The following ZMAT3 variants were observed in gnomAD, a reference collection of about 807,000 sequenced individuals.
The protein encoded by ZMAT3 is zinc finger matrin-type 3.
A neutral mutation model predicts 32.3 loss-of-function variants in ZMAT3; 17 were observed. That is an observed-to-expected ratio of 0.53 (90% CI 0.36 to 0.79). The LOEUF is 0.79. Among genes scored for constraint, ZMAT3 ranks in the 30% least tolerant of loss-of-function variants. ZMAT3 has a pLI of 0.00. For missense variants in ZMAT3, 329 were observed against 359.7 expected (o/e 0.91, Z 0.69); for synonymous variants, 120 against 133.1 (o/e 0.90, Z 0.68).
intron 1 of ZMAT3, among the ~76,000 whole-genome samples, chr3:179,069,718 G>A (rs895385604): frequency 2.6e-5 from 4 of 152,108 alleles, no homozygotes; most frequent in Non-Finnish European, 5.9e-5. Flanking sequence ...TCAGCGTGAT[G>A]GGAAAATAAT....
rs780575246 is a variant in ZMAT3 at position 179,025,070 on chromosome 3, T to C, written c.817A>G (p.Lys273Glu). ...QHLESKQHKSKVSEQRYRNEM... is the reference protein window; with the variant it reads ...QHLESKQHKSEVSEQRYRNEM... ...TTCCTGTACCGCTGTTCAGACACCT[T>C]GCTCTTATGTTGCTTGCTCTCTAAA... The change falls in exon 6 of 6, where the codon AAG becomes GAG. Residue 273 changes from lysine (K) to glutamate (E), a missense_variant. Physicochemically the swap from Lys to Glu is moderately conservative, Grantham distance 56. Coordinates refer to ENST00000311417, the MANE Select transcript of ZMAT3 (RefSeq NM_022470.4). The C allele has an allele frequency of 6.2e-7, 1 of 1,614,240 alleles. No homozygotes were observed. Among genetic ancestry groups the C allele is most frequent in the Non-Finnish European group, 8.5e-7 (1 of 1,180,038 alleles).
intron 2 of ZMAT3, among the ~76,000 whole-genome samples, chr3:179,037,152 C>T (rs1420348035): frequency 1.3e-5 from 2 of 152,116 alleles, no homozygotes; most frequent in South Asian, 2.1e-4. Flanking sequence ...TCCTCTTGGT[C>T]GCAGGAGAAG....
intron 3 of ZMAT3, among the ~76,000 whole-genome samples, chr3:179,028,495 A>G (rs192646447): frequency 2.6e-5 from 4 of 152,232 alleles, no homozygotes; most frequent in East Asian, 1.9e-4. Flanking sequence ...GAAACCACAT[A>G]TATCAGCAAC....
intron 2 of ZMAT3, among the ~76,000 whole-genome samples, chr3:179,034,054 T>G (rs1227443511): frequency 1.3e-5 from 2 of 152,228 alleles, no homozygotes; most frequent in Non-Finnish European, 2.9e-5. Flanking sequence ...TGACACAAAC[T>G]AGTGGCAAGG....
At chr3:179,058,331 C>A (rs1356119479) in intron 2 of ZMAT3, among the ~76,000 whole-genome samples, 1 of 152,200 alleles carries the variant, frequency 6.6e-6, no homozygotes, top group African/African-American at 2.4e-5. Flanking sequence ...TTCTTCCAGA[C>A]AATGAAGAAA....
intron 2 of ZMAT3, among the ~76,000 whole-genome samples, chr3:179,034,339 C>T (rs548649086): frequency 1.3e-5 from 2 of 152,332 alleles, no homozygotes; most frequent in South Asian, 4.1e-4. Flanking sequence ...CCAGTGGTCA[C>T]ATATGTGCCT....
chr3:179,031,023 ACAG>A, intron 2 of ZMAT3, 24 bp from the exon 3 acceptor site: 1 of 1,605,208 alleles, frequency 6.2e-7, no homozygotes, highest in Non-Finnish European at 8.5e-7. Flanking sequence ...TAAAATGAGT[ACAG>A]CAGTCCACCC....
chr3:179,029,093 G>A (rs1465417471), intron 3 of ZMAT3, among the ~76,000 whole-genome samples: 2 of 151,794 alleles, frequency 1.3e-5, no homozygotes, highest in South Asian at 2.1e-4. Flanking sequence ...CCCAGGAGGC[G>A]GAGGTTGCAG....
intron 3 of ZMAT3, among the ~76,000 whole-genome samples, 182 bp from the exon 4 acceptor site, chr3:179,027,994 T>C (rs920302575): frequency 2.0e-5 from 3 of 152,238 alleles, no homozygotes; most frequent in African/African-American, 7.2e-5. Flanking sequence ...TACTTAATCA[T>C]GGTTTTGCAT....
chr3:179,039,036 G>A (rs1191239327), intron 2 of ZMAT3, among the ~76,000 whole-genome samples: 4 of 152,238 alleles, frequency 2.6e-5, no homozygotes, highest in Non-Finnish European at 5.9e-5. Flanking sequence ...TGAGGCTTGA[G>A]TAGGTAAACA....
intron 5 of ZMAT3, among the ~76,000 whole-genome samples, chr3:179,026,346 T>C (rs1718866725): frequency 6.6e-6 from 1 of 151,476 alleles, no homozygotes; most frequent in Non-Finnish European, 1.5e-5. Context: ...TATTAATATA[T>C]GTTTAGACTT....
intron 2 of ZMAT3, among the ~76,000 whole-genome samples, chr3:179,060,531 C>A (rs1721102991): frequency 6.6e-6 from 1 of 152,142 alleles, no homozygotes; most frequent in Non-Finnish European, 1.5e-5. Flanking sequence ...GTAATCCCAG[C>A]TACTCAGGTG....
intron 2 of ZMAT3, among the ~76,000 whole-genome samples, chr3:179,031,469 A>G (rs1719189196): frequency 6.6e-6 from 1 of 152,234 alleles, no homozygotes; most frequent in Admixed American, 6.5e-5. Context: ...CCCTGGGGGT[A>G]AACAGACTAC....
upstream of ZMAT3, chr3:179,072,423 C>A (rs1194394409): frequency 1.3e-5 from 2 of 152,260 alleles, no homozygotes; most frequent in African/African-American, 4.8e-5. Flanking sequence ...GGCTCACCTG[C>A]AAGACAGGAA....
rs997543005 is a variant in ZMAT3 at position 179,071,639 on chromosome 3, C to G, written c.-102G>C. The G allele has an allele frequency of 6.6e-6, 1 of 152,152 alleles. No homozygotes were observed. Among genetic ancestry groups the G allele is most frequent in the Admixed American group, 6.5e-5 (1 of 15,272 alleles). 9.4% of individuals were successfully genotyped at this position (152,152 alleles called of 1,614,324 possible). A position where few individuals can be genotyped will look rare whatever the true frequency, so the allele number is the denominator to read the frequency against. ...CGGCAGTCTCCGCGCCGCGTCCGCC[C>G]GGGACGCCCGCGACGCCCGCCCTGC... On this transcript the variant is annotated 5_prime_UTR_variant, in exon 1 of 6. Coordinates refer to ENST00000311417, the MANE Select transcript of ZMAT3 (RefSeq NM_022470.4).
intron 2 of ZMAT3, among the ~76,000 whole-genome samples, chr3:179,036,472 T>C (rs935895106): frequency 1.3e-5 from 2 of 151,630 alleles, no homozygotes; most frequent in Non-Finnish European, 2.9e-5. Flanking sequence ...GCTTGCAAAA[T>C]GGGCCTCAAG....
intron 2 of ZMAT3, among the ~76,000 whole-genome samples, chr3:179,040,421 C>T (rs896846479): frequency 3.9e-5 from 6 of 152,228 alleles, no homozygotes; most frequent in South Asian, 2.1e-4. Flanking sequence ...GAGTGGGGGC[C>T]GATATTCAAC....
At chr3:179,072,143 A>T (rs909567245), upstream of ZMAT3, 1 of 152,572 alleles carries the variant, frequency 6.6e-6, no homozygotes, top group Non-Finnish European at 1.5e-5. Context: ...ATCTCCAGTC[A>T]TTGGGATCCA....
intron 2 of ZMAT3, among the ~76,000 whole-genome samples, chr3:179,045,098 C>A (rs1196969269): frequency 6.6e-6 from 1 of 151,582 alleles, no homozygotes; most frequent in East Asian, 1.9e-4. Flanking sequence ...CTAGACGAGT[C>A]GGTGATAGAG....
Sources: gnomAD v4.1 joint callset for allele counts (sites outside exome capture counted in the v4.1 genomes callset) on GRCh38, gnomAD v4.1.1 for gene constraint, MANE v1.5 for transcripts, NCBI Gene and HGNC (gene_info 2026-07-23, HGNC 2026-07-21) for gene names.